KCND3: variants seen among roughly 807,000 people sequenced by gnomAD.
The protein encoded by KCND3 is A-type voltage-gated potassium channel KCND3.
KCND3 carries 9 observed loss-of-function variants against 51.1 expected under a neutral mutation model. The ratio of observed to expected loss-of-function variants is 0.18; its 90% CI spans 0.11 to 0.31. KCND3 has a LOEUF of 0.31. Ranked by LOEUF, KCND3 falls within the 10% of genes least tolerant of loss-of-function variation. The pLI, the probability that KCND3 is intolerant of heterozygous loss-of-function variation, is 1.00. For synonymous variants in KCND3, 349 were observed against 368.0 expected, an observed-to-expected ratio of 0.95 and a Z score of 0.59; for missense variants, 526 against 903.8, an observed-to-expected ratio of 0.58 and a Z score of 5.36.
chr1:111,980,326 T>G (rs1048624527), intron 2 of KCND3, among the ~76,000 whole-genome samples: 12 of 151,928 alleles, frequency 7.9e-5, no homozygotes, highest in Admixed American at 7.9e-4. Context: ...CCTTCACAAA[T>G]GGATGGTGAC....
intron 2 of KCND3, among the ~76,000 whole-genome samples, chr1:111,961,178 T>C (rs183345724): frequency 2.0e-4 from 31 of 152,338 alleles, no homozygotes; most frequent in South Asian, 4.1e-4. Context: ...CAGAGGGGCC[T>C]GTCCACCTGC....
At chr1:111,938,142 T>C (rs1672310192) in intron 2 of KCND3, among the ~76,000 whole-genome samples, 1 of 152,172 alleles carries the variant, frequency 6.6e-6, no homozygotes, top group African/African-American at 2.4e-5. Context: ...CTGTTAGTGA[T>C]GGAAGAAACC....
chr1:111,883,064 T>C (rs1384684183), intron 2 of KCND3, among the ~76,000 whole-genome samples: 2 of 152,226 alleles, frequency 1.3e-5, no homozygotes, highest in East Asian at 3.9e-4. Flanking sequence ...AAGATAGTAA[T>C]AATGGCTTCC....
rs778618788 is a variant in KCND3, at chr1:111,982,707, G to A, written c.20C>T (p.Ala7Val). Residue 7 changes from alanine (A) to valine (V), a missense_variant, in exon 2 of 8, where the codon GCC (alanine) becomes GTC (valine). Around this residue, in one of 5 missense-constraint regions of KCND3, gnomAD observed 159 missense variants for 262.8 expected, o/e 0.61. Coordinates refer to ENST00000302127, the MANE Select transcript of KCND3 (RefSeq NM_001378969.1). This position sits in a 1 kb window ranked among gnomAD's most constrained non-coding sequence, Gnocchi z 8.5. MAAGVAAWLPFARAAAI... is the reference protein window; with the variant it reads MAAGVAVWLPFARAAAI... ...CGCAGCCCGGGCAAAAGGCAGCCAGGCCGCAACTCCGGCCGCCATGGTGAC... is the reference window on the plus strand; with the variant it reads ...CGCAGCCCGGGCAAAAGGCAGCCAGACCGCAACTCCGGCCGCCATGGTGAC... 6.2e-7 allele frequency: 1 copy of A among 1,605,294 alleles called. No homozygotes were observed. The highest frequency in any genetic ancestry group is 1.1e-5 in the South Asian group (1 of 90,972).
intron 2 of KCND3, among the ~76,000 whole-genome samples, chr1:111,976,386 A>T (rs765529844): frequency 1.3e-5 from 2 of 152,234 alleles, no homozygotes; most frequent in Non-Finnish European, 2.9e-5. Flanking sequence ...CTCTGTCCAC[A>T]AATATCATGT....
intron 2 of KCND3, among the ~76,000 whole-genome samples, chr1:111,889,744 A>C (rs771463561): frequency 2.6e-5 from 4 of 152,196 alleles, no homozygotes; most frequent in Non-Finnish European, 5.9e-5. Flanking sequence ...TTTACATAAG[A>C]TAACACAGAC....
intron 5 of KCND3, among the ~76,000 whole-genome samples, chr1:111,779,773 G>A (rs1664292257): frequency 6.6e-6 from 1 of 152,222 alleles, no homozygotes; most frequent in Non-Finnish European, 1.5e-5. Context: ...TTCACACGCT[G>A]TCTGCAGGAG....
chr1:111,902,451 T>C (rs1347097958), intron 2 of KCND3, among the ~76,000 whole-genome samples: 1 of 152,184 alleles, frequency 6.6e-6, no homozygotes, highest in Non-Finnish European at 1.5e-5. Flanking sequence ...CCCAACACCA[T>C]GCTCACAGGT....
chr1:111,927,230 G>T lies in KCND3; in HGVS notation c.1106+54391C>A, dbSNP rs139403444. ...AACGAGATGGGGCTGCCCCCCAGTG[G>T]GGGCTATGGGGTGCCCACAGGCTGA... On this transcript the variant is annotated intron_variant, in intron 2 of 7. Transcript: ENST00000302127. 1.2e-4 allele frequency among the ~76,000 whole-genome samples: 18 copies of T among 152,272 alleles called. 1 individual carries two copies. The highest frequency in any genetic ancestry group is 6.8e-3 in the Middle Eastern group (2 of 294).
intron 2 of KCND3, among the ~76,000 whole-genome samples, chr1:111,913,911 A>G (rs1671076250): frequency 6.6e-6 from 1 of 152,186 alleles, no homozygotes; most frequent in South Asian, 2.1e-4. Context: ...AAAAAACAAG[A>G]AACAAAAACA....
chr1:111,949,965 C>T (rs1672973702), intron 2 of KCND3, among the ~76,000 whole-genome samples: 1 of 152,204 alleles, frequency 6.6e-6, no homozygotes, highest in Non-Finnish European at 1.5e-5. Flanking sequence ...GGCTGGAGTG[C>T]AGTGGCCCGA....
At chr1:111,885,180 G>C (rs1389285121) in intron 2 of KCND3, among the ~76,000 whole-genome samples, 1 of 152,206 alleles carries the variant, frequency 6.6e-6, no homozygotes, top group Non-Finnish European at 1.5e-5. Context: ...GGAGGAGGAA[G>C]GTGGGCTGAG....
intron 2 of KCND3, among the ~76,000 whole-genome samples, chr1:111,815,993 G>C (rs6667491): frequency 0.016 from 2,409 of 152,298 alleles, 59 homozygotes; most frequent in African/African-American, 0.054. Context: ...GGGAGGCAGG[G>C]TGGGGCCAAC....
intron 2 of KCND3, among the ~76,000 whole-genome samples, chr1:111,834,629 G>T (rs1339134557): frequency 6.6e-6 from 1 of 152,170 alleles, no homozygotes; most frequent in East Asian, 1.9e-4. Context: ...CAATAATGAA[G>T]AACTAATTAC....
chr1:111,876,113 C>T (rs1340100287), intron 2 of KCND3, among the ~76,000 whole-genome samples: 2 of 152,186 alleles, frequency 1.3e-5, no homozygotes, highest in Non-Finnish European at 2.9e-5. Context: ...CCTTAGGTCA[C>T]GTTTATATAA....
intron 2 of KCND3, among the ~76,000 whole-genome samples, chr1:111,863,879 A>G (rs1668442000): frequency 6.6e-6 from 1 of 152,188 alleles, no homozygotes; most frequent in African/African-American, 2.4e-5. Context: ...TTAACTAAAA[A>G]GTAGCAGTGG....
intron 2 of KCND3, among the ~76,000 whole-genome samples, chr1:111,951,110 C>T (rs1673037481): frequency 8.2e-6 from 1 of 121,396 alleles, no homozygotes; most frequent in Non-Finnish European, 1.6e-5. Context: ...ATGGAGGTTG[C>T]GGTGAGCCAA....
chr1:111,920,263 A>G (rs1268449978), intron 2 of KCND3, among the ~76,000 whole-genome samples: 1 of 152,230 alleles, frequency 6.6e-6, no homozygotes, highest in Non-Finnish European at 1.5e-5. Context: ...CATGGGCGCC[A>G]TCTGCACGTG....
chr1:111,958,685 T>G (rs1255431363), intron 2 of KCND3, among the ~76,000 whole-genome samples: 1 of 152,224 alleles, frequency 6.6e-6, no homozygotes, highest in Non-Finnish European at 1.5e-5. Context: ...CCCTTTATTC[T>G]ACCGCTCTGG....
Sources: allele counts gnomAD v4.1 joint callset (sites outside exome capture counted in the v4.1 genomes callset), GRCh38; gene constraint gnomAD v4.1.1; regional missense constraint gnomAD v4.1.1; non-coding constraint Gnocchi (gnomAD v3.1); transcripts MANE v1.5; gene names NCBI Gene and HGNC (gene_info 2026-07-23, HGNC 2026-07-21).